Variants in ZNF76 observed in about 807,000 individuals in gnomAD.
ZNF76 encodes zinc finger protein 76.
A neutral mutation model predicts 66.9 loss-of-function variants in ZNF76; 66 were observed. That is an observed-to-expected ratio of 0.99 (90% CI 0.81 to 1.21). The LOEUF is 1.21. Among genes scored for constraint, ZNF76 ranks in the 50% most tolerant of loss-of-function variants. The pLI, the probability that ZNF76 is intolerant of heterozygous loss-of-function variation, is 0.00. For missense variants in ZNF76, 729 were observed against 760.3 expected (o/e 0.96, Z 0.48); for synonymous variants, 275 against 296.1 (o/e 0.93, Z 0.73).
chr6:35,281,251 C>T, intron 2 of ZNF76, 27 bp downstream of exon 2: 8 of 1,605,414 alleles, frequency 5.0e-6, no homozygotes, highest in Non-Finnish European at 6.8e-6. Context: ...ACCTCAGGAT[C>T]CTGCCCTGTC....
intron 1 of ZNF76, among the ~76,000 whole-genome samples, chr6:35,260,771 C>T (rs1418849066): frequency 6.6e-6 from 1 of 152,108 alleles, no homozygotes; most frequent in East Asian, 1.9e-4. Context: ...TTTGAGTTTC[C>T]TTCCGTCTGT....
chr6:35,288,161 C>T, intron 5 of ZNF76: 1 of 560,338 alleles, frequency 1.8e-6, no homozygotes, highest in South Asian at 1.5e-5. Context: ...GGAGTTAGGC[C>T]CAGCTTCACT....
chr6:35,270,846 T>C (rs6920747), intron 1 of ZNF76, among the ~76,000 whole-genome samples: 119,352 of 151,818 alleles, frequency 0.79, 47,555 homozygotes, highest in Non-Finnish European at 0.85. Context: ...TGTGAGCCAC[T>C]GCGCCCAGCC....
At chr6:35,269,271 ACT>A (rs202166406) in intron 1 of ZNF76, among the ~76,000 whole-genome samples, 6,929 of 107,186 alleles carry the variant, frequency 0.065, 262 homozygotes, top group African/African-American at 0.14. Flanking sequence ...ACAGAGCGAG[ACT>A]CTGTCTCAAA....
Position 35,295,726 on chromosome 6 carries a change from C to T in ZNF76, c.*478C>T, listed in dbSNP as rs971411083. 1 of 215,332 alleles carries T rather than the reference C, an allele frequency of 4.6e-6. No individual in the cohort carries two copies. The highest frequency in any genetic ancestry group is 2.2e-5 in the African/African-American group (1 of 44,598). The allele number at this position is 215,332 out of a possible 1,614,324, so 13.3% of individuals were successfully genotyped here. Reference sequence around the variant, plus strand: ...AGCTGAGATGCCTGGCTACTTGGCACCAGGGACTTCCTGACACCACAGTCA... The same window carrying T: ...AGCTGAGATGCCTGGCTACTTGGCATCAGGGACTTCCTGACACCACAGTCA... On this transcript the variant is annotated 3_prime_UTR_variant, in exon 14 of 14. Coordinates refer to ENST00000373953, the MANE Select transcript of ZNF76 (RefSeq NM_003427.5).
At chr6:35,268,113 A>G (rs1786426426) in intron 1 of ZNF76, among the ~76,000 whole-genome samples, 1 of 152,236 alleles carries the variant, frequency 6.6e-6, no homozygotes, top group Non-Finnish European at 1.5e-5. Context: ...ATCATTTGGT[A>G]TCTGTGGGCA....
intron 1 of ZNF76, among the ~76,000 whole-genome samples, chr6:35,271,450 C>T (rs1038957832): frequency 6.6e-6 from 1 of 152,208 alleles, no homozygotes; most frequent in Non-Finnish European, 1.5e-5. Flanking sequence ...GGGCAGATCA[C>T]CTGAGGTCAG....
At chr6:35,280,724 A>G (rs1788663896) in intron 1 of ZNF76, among the ~76,000 whole-genome samples, 1 of 152,202 alleles carries the variant, frequency 6.6e-6, no homozygotes, top group African/African-American at 2.4e-5. Flanking sequence ...GAGATGTTGG[A>G]GTAGGCAGAG....
In ZNF76 at chr6:35,292,593, A is replaced by C. The variant is rs777813909; in HGVS notation, c.971A>C (p.Lys324Thr). Residue 324 changes from lysine to threonine, a missense_variant, in exon 10 of 14, where the codon AAA (lysine) becomes ACA (threonine). Lys to Thr is a moderately conservative substitution (Grantham distance 78). Coordinates refer to ENST00000373953, the MANE Select transcript of ZNF76 (RefSeq NM_003427.5). This position sits in a 1 kb window ranked among gnomAD's most constrained non-coding sequence, Gnocchi z 4.7. ...PYVCTVPGCG[K>T]RFTEYSSLYK... ...GTTTGCACGGTGCCAGGCTGCGGGA[A>C]ACGCTTCACCGAGTACTCGAGCTTG... is the stretch of plus-strand genomic sequence containing the variant. 6.2e-7 allele frequency: 1 copy of C among 1,613,526 alleles called. No individual in the cohort carries two copies. Among genetic ancestry groups the C allele is most frequent in the East Asian group, 2.2e-5 (1 of 44,874 alleles).
In ZNF76 at chr6:35,292,401, T is replaced by C. The variant is rs1448140075; in HGVS notation, c.932-153T>C. ...TGTCCTCTCTGTGTTCCACTGGCCA[T>C]CTTCCCCAACCCTGTCCATTCAGAG... On this transcript the variant is annotated intron_variant, in intron 9 of 13. Coordinates refer to ENST00000373953, the MANE Select transcript of ZNF76 (RefSeq NM_003427.5). This position sits in a 1 kb window ranked among gnomAD's most constrained non-coding sequence, Gnocchi z 4.7. 6 of 747,190 alleles carry C rather than the reference T, an allele frequency of 8.0e-6. No individual in the cohort carries two copies. In the African/African-American group the frequency reaches 1.0e-4, roughly 13 times the overall value. 46.3% of individuals were successfully genotyped at this position (747,190 alleles called of 1,614,324 possible).
At position 35,287,602 on chromosome 6, in the gene ZNF76, C is replaced by T; in HGVS notation, c.233-44C>T. The T allele has an allele frequency of 6.5e-7, 1 of 1,546,854 alleles. No homozygotes were observed. The highest frequency in any genetic ancestry group is 8.8e-7 in the Non-Finnish European group (1 of 1,141,650). ...TAAAGCTAGGGTCCCAGCTGTATCT[C>T]TTCCCCTTGTGTGGCATCAGGGCTA... On this transcript the variant is annotated intron_variant, in intron 4 of 13. Coordinates refer to ENST00000373953, the MANE Select transcript of ZNF76 (RefSeq NM_003427.5). This position sits in a 1 kb window ranked among gnomAD's most constrained non-coding sequence, Gnocchi z 4.0.
chr6:35,291,516 C>A, intron 8 of ZNF76, 42 bp from the exon 9 acceptor site: 1 of 1,606,722 alleles, frequency 6.2e-7, no homozygotes, highest in Non-Finnish European at 8.5e-7. Context: ...CCAGCATGGC[C>A]CTCTTTCCCA....
Position 35,292,475 on chromosome 6 carries a change from C to T in ZNF76, c.932-79C>T. ...TCCCTCTGGCTCTCCCTTCACCAACCCTGTCCCTCACCCCTGTCCCCTTAG... is the reference window on the plus strand; with the variant it reads ...TCCCTCTGGCTCTCCCTTCACCAACTCTGTCCCTCACCCCTGTCCCCTTAG... On this transcript the variant is annotated intron_variant, in intron 9 of 13. Transcript: ENST00000373953. This position sits in a 1 kb window ranked among gnomAD's most constrained non-coding sequence, Gnocchi z 4.7. 1.3e-6 allele frequency: 2 copies of T among 1,490,340 alleles called. No homozygotes were observed. Among genetic ancestry groups the T allele is most frequent in the South Asian group, 2.3e-5 (2 of 85,384 alleles). 92.3% of individuals were successfully genotyped at this position (1,490,340 alleles called of 1,614,324 possible). A position where few individuals can be genotyped will look rare whatever the true frequency, so the allele number is the denominator to read the frequency against.
intron 1 of ZNF76, among the ~76,000 whole-genome samples, chr6:35,266,857 G>A (rs1249239376): frequency 7.6e-6 from 1 of 130,754 alleles, no homozygotes; most frequent in Non-Finnish European, 1.6e-5. Context: ...CTGAAGTGCA[G>A]TGGCGCCATC....
At chr6:35,273,543 G>A (rs1787452561) in intron 1 of ZNF76, among the ~76,000 whole-genome samples, 1 of 151,726 alleles carries the variant, frequency 6.6e-6, no homozygotes, top group Non-Finnish European at 1.5e-5. Flanking sequence ...AGTACATTGG[G>A]AGGCCAACGC....
At chr6:35,275,517 G>A (rs1582085795) in intron 1 of ZNF76, among the ~76,000 whole-genome samples, 1 of 152,116 alleles carries the variant, frequency 6.6e-6, no homozygotes, top group East Asian at 1.9e-4. Flanking sequence ...AGGATTCAGA[G>A]TAAACCATCA....
At chr6:35,268,782 G>GAAA (rs767765081) in intron 1 of ZNF76, among the ~76,000 whole-genome samples, 4 of 85,790 alleles carry the variant, frequency 4.7e-5, no homozygotes, top group Admixed American at 1.2e-4. Context: ...CAAAAAGAGA[G>GAAA]AAAAAAAAAA....
chr6:35,289,632 C>T (rs941219295), intron 5 of ZNF76, among the ~76,000 whole-genome samples: 3 of 152,098 alleles, frequency 2.0e-5, no homozygotes, highest in Non-Finnish European at 4.4e-5. Context: ...AGCAATATCC[C>T]AGAAGAGGAG....
chr6:35,266,938 CT>C (rs1786214482), intron 1 of ZNF76, among the ~76,000 whole-genome samples: 1 of 150,518 alleles, frequency 6.6e-6, no homozygotes, highest in Non-Finnish European at 1.5e-5. Context: ...GTAGCTGGGA[CT>C]ACAGGTGCCC....
Sources: gnomAD v4.1 joint callset for allele counts (sites outside exome capture counted in the v4.1 genomes callset) on GRCh38, gnomAD v4.1.1 for gene constraint, Gnocchi (gnomAD v3.1) non-coding constraint, MANE v1.5 for transcripts, NCBI Gene and HGNC (gene_info 2026-07-23, HGNC 2026-07-21) for gene names.